KDELR2: variants seen among roughly 807,000 people sequenced by gnomAD.
The protein encoded by KDELR2 is KDEL endoplasmic reticulum protein retention receptor 2.
A neutral mutation model predicts 23.9 loss-of-function variants in KDELR2; 15 were observed. The observed-to-expected ratio is 0.63, with a 90% CI of 0.42 to 0.97. The LOEUF is 0.97. Among genes scored for constraint, KDELR2 ranks in the 50% least tolerant of loss-of-function variants. The pLI is 0.00. For synonymous variants in KDELR2, 119 were observed against 106.2 expected (o/e 1.12, Z -0.74); for missense variants, 272 against 254.6 (o/e 1.07, Z -0.46).
rs2115319048 is a variant in KDELR2 at position 6,461,915 on chromosome 7, T to C, written c.*1226A>G. On this transcript the variant is annotated 3_prime_UTR_variant, in exon 5 of 5. Coordinates refer to ENST00000258739, the MANE Select transcript of KDELR2 (RefSeq NM_006854.4). ...ATACATAATGTCTTACAGATGATTA[T>C]GTGAACTTTAAATGTCTGCAGCCCT... 6.6e-6 allele frequency: 1 copy of C among 152,302 alleles called. No individual in the cohort carries two copies. Among genetic ancestry groups the C allele is most frequent in the South Asian group, 2.1e-4 (1 of 4,822 alleles). The allele number at this position is 152,302 out of a possible 1,614,324, so 9.4% of individuals were successfully genotyped here. A position where few individuals can be genotyped will look rare whatever the true frequency, so the allele number is the denominator to read the frequency against.
In KDELR2 at chr7:6,461,145, A is replaced by G. The variant is rs1445348132; in HGVS notation, c.*1996T>C. ...GAAAGTAACTGTGAAACAGTGCTTC[A>G]TAAGGCGTGGCATACAAGGCCTTGG... On this transcript the variant is annotated 3_prime_UTR_variant, in exon 5 of 5. Transcript: ENST00000258739. The G allele has an allele frequency of 6.6e-6, 1 of 152,212 alleles. No homozygotes were observed. The highest frequency in any genetic ancestry group is 2.4e-5 in the African/African-American group (1 of 41,448). The allele number at this position is 152,212 out of a possible 1,614,324, so 9.4% of individuals were successfully genotyped here.
chr7:6,465,247 G>A (rs1391995326), intron 4 of KDELR2, among the ~76,000 whole-genome samples: 10 of 149,748 alleles, frequency 6.7e-5, no homozygotes, highest in African/African-American at 2.5e-4. Flanking sequence ...GCAGTGGCGC[G>A]ATCTGGGCTC....
In KDELR2 at chr7:6,463,320, C is replaced by T. The variant is rs758528483; in HGVS notation, c.605-145G>A. On this transcript the variant is annotated intron_variant, in intron 4 of 4. Transcript: ENST00000258739. ...AATAAGCAATTGTATTTTAAAAATA[C>T]AAATTTGATTGAAAGTGCCACTAAA... The T allele has an allele frequency of 1.4e-5, 9 of 649,986 alleles. 1 individual carries two copies. The highest frequency in any genetic ancestry group is 6.6e-5 in the Admixed American group (2 of 30,114). 40.3% of individuals were successfully genotyped at this position (649,986 alleles called of 1,614,324 possible).
At chr7:6,465,345 G>A (rs1177230993) in intron 4 of KDELR2, among the ~76,000 whole-genome samples, 1 of 151,680 alleles carries the variant, frequency 6.6e-6, no homozygotes, top group Non-Finnish European at 1.5e-5. Flanking sequence ...CACCACGCCT[G>A]GCTAAGTTTT....
rs749159571 is a variant in KDELR2 at position 6,462,962 on chromosome 7, TGC to T, written c.*177_*178del. 9.2e-5 allele frequency: 148 copies of T among 1,609,584 alleles called. No individual in the cohort carries two copies. The African/African-American group carries it at 1.8e-3, about 20-fold the overall frequency. On this transcript the variant is annotated 3_prime_UTR_variant, in exon 5 of 5. Transcript: ENST00000258739. ...AGTAATAAAAAAAGATAAGGCAAGATGCATTAAACAGAAACCTTCTGGCTCTT... is the reference window on the plus strand; with the variant it reads ...AGTAATAAAAAAAGATAAGGCAAGATATTAAACAGAAACCTTCTGGCTCTT...
chr7:6,481,381 G>T (rs1008350033), intron 1 of KDELR2, among the ~76,000 whole-genome samples: 1 of 122,072 alleles, frequency 8.2e-6, no homozygotes, highest in Non-Finnish European at 1.8e-5. Context: ...AAAAAAAAAA[G>T]AAAGAAAAAA....
At chr7:6,470,053 T>A in intron 2 of KDELR2, 1 of 237,920 alleles carries the variant, frequency 4.2e-6, no homozygotes, top group Non-Finnish European at 8.2e-6. Flanking sequence ...CAATCACACT[T>A]ATGTTCTCTG....
chr7:6,477,639 T>C (rs1406247615), intron 1 of KDELR2, among the ~76,000 whole-genome samples: 2 of 152,234 alleles, frequency 1.3e-5, no homozygotes, highest in East Asian at 1.9e-4. Context: ...CTTATCCTAC[T>C]GGGCCAGGTT....
intron 1 of KDELR2, among the ~76,000 whole-genome samples, chr7:6,474,937 C>T (rs143141700): frequency 2.0e-5 from 3 of 152,278 alleles, no homozygotes; most frequent in African/African-American, 7.2e-5. Context: ...GTCGCCTGGT[C>T]CCTTCTTTGT....
intron 1 of KDELR2, chr7:6,482,554 C>T (rs1054742250): frequency 1.3e-5 from 6 of 470,598 alleles, no homozygotes; most frequent in Admixed American, 2.4e-5. Flanking sequence ...GCTTACTTCC[C>T]GGATCTCAGT....
At chr7:6,471,892 G>A (rs1387980719) in intron 2 of KDELR2, among the ~76,000 whole-genome samples, 1 of 137,674 alleles carries the variant, frequency 7.3e-6, no homozygotes, top group Non-Finnish European at 1.5e-5. Context: ...CATATGTTAA[G>A]TGTAAGTTTA....
At chr7:6,482,891 G>C (rs1003725119) in intron 1 of KDELR2, among the ~76,000 whole-genome samples, 1 of 150,044 alleles carries the variant, frequency 6.7e-6, no homozygotes, top group Non-Finnish European at 1.5e-5. Context: ...TGGAGTCCCA[G>C]CTATTCAGGA....
chr7:6,484,135 G>C lies in KDELR2; in HGVS notation c.-78C>G, dbSNP rs771541952. ...GCTCAGGAGGCGGCGGCCCCTGAGA[G>C]GAAGCGGCGAAGATGGCGAGATCGC... is the stretch of plus-strand genomic sequence containing the variant. On this transcript the variant is annotated 5_prime_UTR_variant, in exon 1 of 5. Coordinates refer to ENST00000258739, the MANE Select transcript of KDELR2 (RefSeq NM_006854.4). The C allele has an allele frequency of 2.0e-5, 23 of 1,146,096 alleles. No homozygotes were observed. Among genetic ancestry groups the C allele is most frequent in the Non-Finnish European group, 2.5e-5 (23 of 905,228 alleles). 71.0% of individuals were successfully genotyped at this position (1,146,096 alleles called of 1,614,324 possible). A position where few individuals can be genotyped will look rare whatever the true frequency, so the allele number is the denominator to read the frequency against.
chr7:6,463,751 G>T (rs950883824), intron 4 of KDELR2, among the ~76,000 whole-genome samples: 2 of 132,488 alleles, frequency 1.5e-5, no homozygotes, highest in Non-Finnish European at 3.2e-5. Flanking sequence ...TCTTTAAAAA[G>T]ATAAAAAAAA....
Position 6,466,054 on chromosome 7 carries a change from G to C in KDELR2, c.604+17C>G. ...AACACGTCACTCTAGAAACAACGCAGGTCGCACCCAACATACCTTTTGTAA... is the reference window on the plus strand; with the variant it reads ...AACACGTCACTCTAGAAACAACGCACGTCGCACCCAACATACCTTTTGTAA... On this transcript the variant is annotated intron_variant, in intron 4 of 4. Transcript: ENST00000258739. 6.2e-7 allele frequency: 1 copy of C among 1,612,248 alleles called. No individual in the cohort carries two copies. The highest frequency in any genetic ancestry group is 1.1e-5 in the South Asian group (1 of 90,876).
Position 6,478,271 on chromosome 7 carries a change from C to G in KDELR2, c.92-3987G>C, listed in dbSNP as rs1044053229. On this transcript the variant is annotated intron_variant, in intron 1 of 4. Coordinates refer to ENST00000258739, the MANE Select transcript of KDELR2 (RefSeq NM_006854.4). ...TAAGCGATTCTCCCTCCTTAGCCACCTGAGTAGCTAAGACACAGGTGCACG... is the reference window on the plus strand; with the variant it reads ...TAAGCGATTCTCCCTCCTTAGCCACGTGAGTAGCTAAGACACAGGTGCACG... Among the ~76,000 whole-genome samples, 64 of 152,104 alleles carry G rather than the reference C, an allele frequency of 4.2e-4. 1 individual carries two copies. Among genetic ancestry groups the G allele is most frequent in the African/African-American group, 1.5e-3 (62 of 41,482 alleles).
chr7:6,471,032 G>C (rs1785622430), intron 2 of KDELR2, among the ~76,000 whole-genome samples: 1 of 151,476 alleles, frequency 6.6e-6, no homozygotes, highest in Non-Finnish European at 1.5e-5. Flanking sequence ...CAGGAGAATG[G>C]TGTGAACCCA....
At chr7:6,480,439 T>TA (rs1785866912) in intron 1 of KDELR2, among the ~76,000 whole-genome samples, 1 of 152,070 alleles carries the variant, frequency 6.6e-6, no homozygotes, top group Non-Finnish European at 1.5e-5. Context: ...CACCCTTCTG[T>TA]AATGACAACA....
At chr7:6,464,691 A>C (rs927946602) in intron 4 of KDELR2, among the ~76,000 whole-genome samples, 5 of 151,788 alleles carry the variant, frequency 3.3e-5, no homozygotes, top group African/African-American at 1.2e-4. Flanking sequence ...CGGTCTCAAA[A>C]AAAACAAAAG....
Sources: gnomAD v4.1 joint callset for allele counts (sites outside exome capture counted in the v4.1 genomes callset) on GRCh38, gnomAD v4.1.1 for gene constraint, MANE v1.5 for transcripts, NCBI Gene and HGNC (gene_info 2026-07-23, HGNC 2026-07-21) for gene names.